STK40: variants seen among roughly 807,000 people sequenced by gnomAD.
STK40 encodes the protein serine/threonine kinase 40.
STK40 carries 13 observed loss-of-function variants against 47.9 expected under a neutral mutation model. That is an observed-to-expected ratio of 0.27 (90% confidence interval 0.18 to 0.43). The LOEUF is 0.43. Among genes scored for constraint, STK40 ranks in the 20% least tolerant of loss-of-function variants. The pLI, the probability that STK40 is intolerant of heterozygous loss-of-function variation, is 1.00. For synonymous variants in STK40, 225 were observed against 243.2 expected (o/e 0.93, Z 0.69); for missense variants, 460 against 595.1 (o/e 0.77, Z 2.36).
rs557042745 is a variant in STK40, at chr1:36,374,656, G to A, written c.-9+11067C>T. ...GACTTACAAGCTCTTTCTCTGGGCCGTACTGGCTTGGCCTCTCCATCCAGA... is the reference window on the plus strand; with the variant it reads ...GACTTACAAGCTCTTTCTCTGGGCCATACTGGCTTGGCCTCTCCATCCAGA... On this transcript the variant is annotated intron_variant, in intron 1 of 10. Transcript: ENST00000373132. 4.7e-4 allele frequency among the ~76,000 whole-genome samples: 71 copies of A among 152,320 alleles called. No individual in the cohort carries two copies. The Middle Eastern group carries it at 0.01, about 22-fold the overall frequency.
At chr1:36,374,186 T>G (rs1646972855) in intron 1 of STK40, among the ~76,000 whole-genome samples, 1 of 152,226 alleles carries the variant, frequency 6.6e-6, no homozygotes, top group South Asian at 2.1e-4. Context: ...TAGCCCCACA[T>G]AAGGAGACTG....
intron 4 of STK40, among the ~76,000 whole-genome samples, chr1:36,356,423 T>TC (rs200480572): frequency 0.035 from 4,346 of 125,010 alleles, 119 homozygotes; most frequent in African/African-American, 0.13. Flanking sequence ...TTTTTCTTTT[T>TC]TTTTTTTTTT....
chr1:36,351,863 C>T (rs995951359), intron 6 of STK40, among the ~76,000 whole-genome samples: 1 of 152,202 alleles, frequency 6.6e-6, no homozygotes, highest in Non-Finnish European at 1.5e-5. Context: ...CTGGGATGTT[C>T]ATTTACAGCC....
intron 5 of STK40, 85 bp downstream of exon 5, chr1:36,355,121 C>G: frequency 4.3e-6 from 6 of 1,398,812 alleles, no homozygotes; most frequent in East Asian, 2.3e-5. Flanking sequence ...CCTGGGTGCA[C>G]AGGACAGAGC....
intron 10 of STK40, chr1:36,342,294 T>A: frequency 2.7e-6 from 1 of 367,952 alleles, no homozygotes. Flanking sequence ...AAAGGTTCTC[T>A]GAGCCCTGAG....
intron 7 of STK40, among the ~76,000 whole-genome samples, chr1:36,345,992 T>TATA (rs1553135170): frequency 0.016 from 302 of 19,434 alleles, 4 homozygotes; most frequent in African/African-American, 0.047. Flanking sequence ...TATATATATA[T>TATA]TTTTTTTTTT....
chr1:36,375,735 T>C (rs558287558), intron 1 of STK40, among the ~76,000 whole-genome samples: 2 of 152,066 alleles, frequency 1.3e-5, no homozygotes, highest in Non-Finnish European at 2.9e-5. Flanking sequence ...ATTTCATAAC[T>C]TTAGGCCAGG....
At chr1:36,342,468 C>G in intron 10 of STK40, 1 of 174,468 alleles carries the variant, frequency 5.7e-6, no homozygotes, top group Admixed American at 5.5e-5. Context: ...CAGGAGACAG[C>G]AGGGCTTCCG....
intron 1 of STK40, among the ~76,000 whole-genome samples, chr1:36,364,782 G>A (rs985830466): frequency 6.6e-6 from 1 of 151,818 alleles, no homozygotes. Context: ...AACGTTGCGA[G>A]ACCCATCTCA....
chr1:36,355,529 A>G, intron 4 of STK40, 96 bp from the exon 5 acceptor site: 1 of 1,311,256 alleles, frequency 7.6e-7, no homozygotes, highest in Non-Finnish European at 1.1e-6. Context: ...CACTCAAACC[A>G]GTGAGGGAGC....
At chr1:36,361,131 C>T (rs1192205301) in intron 2 of STK40, 90 bp downstream of exon 2, 5 of 1,515,296 alleles carry the variant, frequency 3.3e-6, no homozygotes, top group South Asian at 1.2e-5. Flanking sequence ...GGCCACCTCA[C>T]TCTGATGTCT....
intron 1 of STK40, among the ~76,000 whole-genome samples, chr1:36,372,332 AG>A (rs1380249426): frequency 7.1e-6 from 1 of 139,940 alleles, no homozygotes; most frequent in East Asian, 2.4e-4. Context: ...TAGCTTGCTT[AG>A]TTTGGAGGAC....
intron 10 of STK40, chr1:36,342,725 G>C (rs146160952): frequency 7.3e-5 from 12 of 163,340 alleles, no homozygotes; most frequent in Admixed American, 1.2e-4. Flanking sequence ...CTCTTTCCTC[G>C]GGGGCCAGGA....
chr1:36,375,422 GC>G (rs1356588373), intron 1 of STK40, among the ~76,000 whole-genome samples: 1 of 151,040 alleles, frequency 6.6e-6, no homozygotes, highest in Non-Finnish European at 1.5e-5. Flanking sequence ...CAGGAGAATC[GC>G]TTGAACCCAG....
At chr1:36,344,478 C>T (rs1420574039) in intron 7 of STK40, among the ~76,000 whole-genome samples, 2 of 152,232 alleles carry the variant, frequency 1.3e-5, no homozygotes, top group Non-Finnish European at 2.9e-5. Flanking sequence ...CTGCTCACAG[C>T]ACCTGCCCCG....
At chr1:36,374,863 G>A (rs55811039) in intron 1 of STK40, among the ~76,000 whole-genome samples, 24,559 of 152,110 alleles carry the variant, frequency 0.16, 2,424 homozygotes, top group Middle Eastern at 0.28. Flanking sequence ...AACAAGGGAG[G>A]TCCTGGCATG....
intron 6 of STK40, among the ~76,000 whole-genome samples, chr1:36,351,663 C>T (rs995740595): frequency 6.6e-6 from 1 of 152,202 alleles, no homozygotes; most frequent in Non-Finnish European, 1.5e-5. Flanking sequence ...GAGGAGCACG[C>T]ACTCACACTC....
intron 1 of STK40, among the ~76,000 whole-genome samples, chr1:36,370,863 T>C (rs1297853885): frequency 6.6e-6 from 1 of 151,842 alleles, no homozygotes; most frequent in African/African-American, 2.4e-5. Flanking sequence ...AACCTGTGCA[T>C]ATACTCCCGT....
In STK40 at chr1:36,343,907, C is replaced by T; in HGVS notation, c.957G>A (p.Leu319=). 1 of 1,607,408 alleles carries T rather than the reference C, an allele frequency of 6.2e-7. No individual in the cohort carries two copies. Among genetic ancestry groups the T allele is most frequent in the Non-Finnish European group, 8.5e-7 (1 of 1,175,186 alleles). Residue 319 remains leucine, a synonymous_variant, in exon 9 of 11, where the codon CTG becomes CTA. Transcript: ENST00000373132. Reference sequence around the variant, plus strand: ...GGGCCTCCAGGACGTCGGCGGCGGCCAGGCGCTGCTGGGGGTCAAGGACCA... The same window carrying T: ...GGGCCTCCAGGACGTCGGCGGCGGCTAGGCGCTGCTGGGGGTCAAGGACCA... ...KLLVLDPQQR[L]AAADVLEALS...
Sources: gnomAD v4.1 joint callset for allele counts (sites outside exome capture counted in the v4.1 genomes callset) on GRCh38, gnomAD v4.1.1 for gene constraint, MANE v1.5 for transcripts, NCBI Gene and HGNC (gene_info 2026-07-23, HGNC 2026-07-21) for gene names.